Variants in GRIK4 observed in about 807,000 individuals in gnomAD.
GRIK4 encodes glutamate ionotropic receptor kainate type subunit 4.
Under a neutral mutation model 104.9 loss-of-function variants are expected in GRIK4, and 40 were observed. The observed-to-expected ratio is 0.38, with a 90% CI of 0.30 to 0.50. The LOEUF (loss-of-function observed/expected upper bound fraction) is 0.50, where lower values mean the gene tolerates loss of function less well. Ranked by LOEUF, GRIK4 falls within the 20% of genes least tolerant of loss-of-function variation. GRIK4 has a pLI of 0.93. For synonymous variants in GRIK4, 485 were observed against 524.9 expected, an observed-to-expected ratio of 0.92 and a Z score of 1.04; for missense variants, 1,047 against 1,308.1, an observed-to-expected ratio of 0.80 and a Z score of 3.08.
intron 3 of GRIK4, among the ~76,000 whole-genome samples, chr11:120,704,587 G>A (rs1233049915): frequency 1.3e-5 from 2 of 152,148 alleles, no homozygotes; most frequent in East Asian, 3.8e-4. Context: ...TCCTCTACTA[G>A]AATGTAAGCT....
intron 3 of GRIK4, among the ~76,000 whole-genome samples, chr11:120,667,425 G>T (rs966654558): frequency 6.6e-6 from 1 of 152,286 alleles, no homozygotes; most frequent in Admixed American, 6.5e-5. Context: ...GGAAGCTGCT[G>T]CTAGACCTCA....
chr11:120,720,149 G>A (rs1950904791), intron 3 of GRIK4, among the ~76,000 whole-genome samples: 2 of 152,118 alleles, frequency 1.3e-5, no homozygotes, highest in East Asian at 1.9e-4. Context: ...GTTGTGGGGG[G>A]AGGTGGTAAA....
At chr11:120,713,472 C>T (rs919529854) in intron 3 of GRIK4, among the ~76,000 whole-genome samples, 1 of 152,188 alleles carries the variant, frequency 6.6e-6, no homozygotes, top group African/African-American at 2.4e-5. Flanking sequence ...ACATTGGGCT[C>T]TTCAGTCATT....
intron 1 of GRIK4, among the ~76,000 whole-genome samples, chr11:120,545,838 A>G (rs1042937437): frequency 6.6e-6 from 1 of 152,194 alleles, no homozygotes; most frequent in African/African-American, 2.4e-5. Context: ...CAGGCTTGAT[A>G]AAGACTGAGA....
rs376766157 is a variant in GRIK4, at chr11:120,603,303, T to G, written c.-158-50382T>G. Among the ~76,000 whole-genome samples, 340 of 152,346 alleles carry G rather than the reference T, an allele frequency of 2.2e-3. 3 individuals carry two copies. Among genetic ancestry groups the G allele is most frequent in the Admixed American group, 0.018 (275 of 15,300 alleles). On this transcript the variant is annotated intron_variant, in intron 1 of 20. Coordinates refer to ENST00000527524, the MANE Select transcript of GRIK4 (RefSeq NM_014619.5). Reference sequence around the variant, plus strand: ...CACTTACTTTATTGGCTTGGTCGGCTCGAGAGTGTGAATCTGCACATCTCT... The same window carrying G: ...CACTTACTTTATTGGCTTGGTCGGCGCGAGAGTGTGAATCTGCACATCTCT...
chr11:120,795,179 A>T (rs1328148873), intron 3 of GRIK4, among the ~76,000 whole-genome samples: 2 of 152,226 alleles, frequency 1.3e-5, no homozygotes, highest in Non-Finnish European at 2.9e-5. Context: ...TTTACCCCTT[A>T]AAAGGGTAAG....
At chr11:120,735,953 GC>G (rs1169012457) in intron 3 of GRIK4, among the ~76,000 whole-genome samples, 1 of 152,134 alleles carries the variant, frequency 6.6e-6, no homozygotes, top group Non-Finnish European at 1.5e-5. Context: ...CTGTCCCAGG[GC>G]AGGTCCAGAA....
intron 3 of GRIK4, among the ~76,000 whole-genome samples, chr11:120,671,154 A>C (rs1015732437): frequency 2.6e-5 from 4 of 152,208 alleles, no homozygotes; most frequent in Non-Finnish European, 5.9e-5. Context: ...ATAGTGCTGC[A>C]GTAAACTTAC....
At chr11:120,763,719 A>G (rs1003668580) in intron 3 of GRIK4, among the ~76,000 whole-genome samples, 1 of 152,294 alleles carries the variant, frequency 6.6e-6, no homozygotes, top group Admixed American at 6.5e-5. Flanking sequence ...GTCATTCAGG[A>G]GCAGGTTGTT....
intron 13 of GRIK4, among the ~76,000 whole-genome samples, chr11:120,925,109 G>A (rs1464875276): frequency 6.6e-6 from 1 of 152,170 alleles, no homozygotes; most frequent in Non-Finnish European, 1.5e-5. Flanking sequence ...AGGGGATGGG[G>A]TGAAAAAGTG....
At chr11:120,729,530 C>T (rs1259923569) in intron 3 of GRIK4, among the ~76,000 whole-genome samples, 2 of 152,210 alleles carry the variant, frequency 1.3e-5, no homozygotes, top group Non-Finnish European at 2.9e-5. Flanking sequence ...AGCACCTTTT[C>T]ATGTGCCTGT....
chr11:120,636,360 T>C (rs17245608), intron 1 of GRIK4, among the ~76,000 whole-genome samples: 5,536 of 152,268 alleles, frequency 0.036, 190 homozygotes, highest in Non-Finnish European at 0.048. Context: ...CCAGGAAAGA[T>C]GAATAGTGAT....
At chr11:120,651,382 G>C (rs945877444) in intron 1 of GRIK4, among the ~76,000 whole-genome samples, 1 of 152,192 alleles carries the variant, frequency 6.6e-6, no homozygotes, top group Non-Finnish European at 1.5e-5. Flanking sequence ...GGAAGCCAGG[G>C]ATGTCTTATC....
chr11:120,515,145 C>G, intron 1 of GRIK4: 1 of 427,498 alleles, frequency 2.3e-6, no homozygotes, highest in Non-Finnish European at 4.7e-6. Flanking sequence ...CCACCCAGCC[C>G]TGGCACTGTG....
chr11:120,879,792 C>T (rs1030427887), intron 11 of GRIK4, among the ~76,000 whole-genome samples: 2 of 152,150 alleles, frequency 1.3e-5, no homozygotes, highest in African/African-American at 4.8e-5. Context: ...CTCTGCTGTC[C>T]ATCTCATATC....
chr11:120,914,867 G>T (rs1592075151), intron 13 of GRIK4, among the ~76,000 whole-genome samples: 1 of 152,154 alleles, frequency 6.6e-6, no homozygotes, highest in South Asian at 2.1e-4. Flanking sequence ...CCAGATGCAG[G>T]TTTACTCATT....
intron 3 of GRIK4, among the ~76,000 whole-genome samples, chr11:120,785,399 G>GTT (rs2135481767): frequency 6.6e-6 from 1 of 152,308 alleles, no homozygotes; most frequent in South Asian, 2.1e-4. Flanking sequence ...GCAAGGAACT[G>GTT]TTTAAGGAGG....
At chr11:120,753,697 G>T (rs1410584683) in intron 3 of GRIK4, among the ~76,000 whole-genome samples, 1 of 152,142 alleles carries the variant, frequency 6.6e-6, no homozygotes, top group Non-Finnish European at 1.5e-5. Flanking sequence ...GGTAAGAGAT[G>T]ATGCCGGCCC....
intron 1 of GRIK4, among the ~76,000 whole-genome samples, chr11:120,527,596 G>A (rs1193890689): frequency 1.3e-5 from 2 of 152,250 alleles, no homozygotes; most frequent in East Asian, 3.8e-4. Flanking sequence ...GGGCGGGCTG[G>A]GGGCTGGGAG....
Sources: allele counts gnomAD v4.1 joint callset (sites outside exome capture counted in the v4.1 genomes callset), GRCh38; gene constraint gnomAD v4.1.1; transcripts MANE v1.5; gene names NCBI Gene and HGNC (gene_info 2026-07-23, HGNC 2026-07-21).